MIPOL1: variants seen among roughly 807,000 people sequenced by gnomAD.
MIPOL1 encodes mirror-image polydactyly 1.
MIPOL1 carries 57 observed loss-of-function variants against 60.9 expected under a neutral mutation model. The observed-to-expected ratio is 0.94, with a 90% CI of 0.76 to 1.17. MIPOL1 has a LOEUF of 1.17. Among genes scored for constraint, MIPOL1 ranks in the 50% most tolerant of loss-of-function variants. The probability of loss-of-function intolerance (pLI) is 0.00; values close to 1 mark genes in which losing one functional copy is unlikely to be tolerated. For synonymous variants in MIPOL1, 179 were observed against 168.8 expected (o/e 1.06, Z -0.47); for missense variants, 551 against 511.6 (o/e 1.08, Z -0.74).
intron 12 of MIPOL1, among the ~76,000 whole-genome samples, chr14:37,532,539 A>G (rs2095485867): frequency 6.6e-6 from 1 of 152,148 alleles, no homozygotes; most frequent in Non-Finnish European, 1.5e-5. Flanking sequence ...AAAATCAGGA[A>G]TCAGGAAAAA....
chr14:37,224,759 C>T (rs1969412751), intron 1 of MIPOL1, among the ~76,000 whole-genome samples: 3 of 152,168 alleles, frequency 2.0e-5, no homozygotes, highest in South Asian at 2.1e-4. Context: ...CCAAGCATGC[C>T]TTCTCAACAG....
At chr14:37,264,160 G>A (rs996969762) in intron 3 of MIPOL1, among the ~76,000 whole-genome samples, 1 of 152,104 alleles carries the variant, frequency 6.6e-6, no homozygotes, top group East Asian at 1.9e-4. Context: ...GTTACTAACT[G>A]CTTTCATCTT....
intron 1 of MIPOL1, among the ~76,000 whole-genome samples, chr14:37,240,742 A>G (rs1416122408): frequency 1.3e-5 from 2 of 152,130 alleles, no homozygotes; most frequent in African/African-American, 4.8e-5. Context: ...TTGCAGTGCC[A>G]TATTCATTCT....
chr14:37,332,998 AT>A (rs1315976956), intron 9 of MIPOL1, among the ~76,000 whole-genome samples: 1 of 152,202 alleles, frequency 6.6e-6, no homozygotes, highest in Non-Finnish European at 1.5e-5. Context: ...TGCAATAGCA[AT>A]AGCAGGTGGT....
At chr14:37,331,893 G>A (rs113915583) in intron 9 of MIPOL1, among the ~76,000 whole-genome samples, 5 of 152,286 alleles carry the variant, frequency 3.3e-5, no homozygotes, top group African/African-American at 1.2e-4. Flanking sequence ...CTTCACGCCT[G>A]TAATCCCAGC....
chr14:37,478,713 T>A (rs567623509), intron 11 of MIPOL1, among the ~76,000 whole-genome samples: 1 of 152,166 alleles, frequency 6.6e-6, no homozygotes, highest in African/African-American at 2.4e-5. Context: ...AGTGAAAGGA[T>A]AGAAAAAGAT....
At chr14:37,427,749 AT>A (rs1282825190) in intron 11 of MIPOL1, among the ~76,000 whole-genome samples, 2 of 152,194 alleles carry the variant, frequency 1.3e-5, no homozygotes, top group Non-Finnish European at 2.9e-5. Flanking sequence ...GTCTACTTTA[AT>A]TTGATTTAAA....
intron 12 of MIPOL1, among the ~76,000 whole-genome samples, chr14:37,515,913 A>C (rs2153627821): frequency 6.6e-6 from 1 of 152,308 alleles, no homozygotes; most frequent in African/African-American, 2.4e-5. Context: ...AAGACCCAGT[A>C]GTCATTCTTG....
intron 3 of MIPOL1, among the ~76,000 whole-genome samples, chr14:37,256,717 A>C (rs1037827816): frequency 1.4e-5 from 2 of 139,454 alleles, no homozygotes; most frequent in Non-Finnish European, 3.3e-5. Flanking sequence ...TTAAAAAAGC[A>C]GTCTTTGATC....
chr14:37,258,838 T>C (rs1352422593), intron 3 of MIPOL1, among the ~76,000 whole-genome samples: 1 of 151,972 alleles, frequency 6.6e-6, no homozygotes, highest in Non-Finnish European at 1.5e-5. Flanking sequence ...TCAGACTTGG[T>C]GAAACAAACA....
intron 12 of MIPOL1, among the ~76,000 whole-genome samples, chr14:37,516,322 A>G (rs1016521880): frequency 6.6e-5 from 10 of 152,324 alleles, no homozygotes; most frequent in Middle Eastern, 3.4e-3. Context: ...CATCTTTAAC[A>G]TACAGATTGT....
At chr14:37,378,621 G>A (rs913185192) in intron 10 of MIPOL1, among the ~76,000 whole-genome samples, 15 of 151,070 alleles carry the variant, frequency 9.9e-5, no homozygotes, top group African/African-American at 2.9e-4. Context: ...CTTATATGCC[G>A]GGGAGGAGGG....
intron 9 of MIPOL1, among the ~76,000 whole-genome samples, chr14:37,321,642 C>T (rs537726199): frequency 6.6e-6 from 1 of 151,866 alleles, no homozygotes; most frequent in East Asian, 1.9e-4. Flanking sequence ...ATGTATTGTT[C>T]GTATGTTGTG....
chr14:37,228,735 T>TA (rs1308027209), intron 1 of MIPOL1, among the ~76,000 whole-genome samples: 1 of 152,338 alleles, frequency 6.6e-6, no homozygotes, highest in East Asian at 1.9e-4. Flanking sequence ...TTATCAAAAA[T>TA]ACTTTGCTTC....
In MIPOL1 at chr14:37,247,853, G is replaced by A. The variant is rs1439587816; in HGVS notation, c.-36G>A. 6.2e-7 allele frequency: 1 copy of A among 1,611,626 alleles called. No homozygotes were observed. Among genetic ancestry groups the A allele is most frequent in the Non-Finnish European group, 8.5e-7 (1 of 1,178,772 alleles). ...GCTGCAAATCTTGGAGCAAAAACCA[G>A]AGACATTGCCAGAGCAAACAAGAAC... On this transcript the variant is annotated 5_prime_UTR_variant, in exon 3 of 13. Coordinates refer to ENST00000684589, the MANE Select transcript of MIPOL1 (RefSeq NM_001388067.1).
At chr14:37,216,710 G>T (rs1967778847) in intron 1 of MIPOL1, among the ~76,000 whole-genome samples, 1 of 151,968 alleles carries the variant, frequency 6.6e-6, no homozygotes. Context: ...AAATGAAGAA[G>T]AAAATTGAAA....
chr14:37,517,812 G>C (rs1484156545), intron 12 of MIPOL1, among the ~76,000 whole-genome samples: 1 of 152,048 alleles, frequency 6.6e-6, no homozygotes, highest in Non-Finnish European at 1.5e-5. Context: ...AGAATAAAAG[G>C]AACAGGAAAG....
chr14:37,272,805 G>T (rs1404518669), intron 6 of MIPOL1, among the ~76,000 whole-genome samples: 1 of 151,448 alleles, frequency 6.6e-6, no homozygotes, highest in Admixed American at 6.6e-5. Flanking sequence ...GTATTATAAC[G>T]TAGTTAAGCA....
At chr14:37,360,393 G>A (rs2092154402) in intron 9 of MIPOL1, among the ~76,000 whole-genome samples, 1 of 152,226 alleles carries the variant, frequency 6.6e-6, no homozygotes, top group South Asian at 2.1e-4. Flanking sequence ...CAGAAGGAAT[G>A]GTACTATCTC....
Sources: gnomAD v4.1 joint callset for allele counts (sites outside exome capture counted in the v4.1 genomes callset) on GRCh38, gnomAD v4.1.1 for gene constraint, MANE v1.5 for transcripts, NCBI Gene and HGNC (gene_info 2026-07-23, HGNC 2026-07-21) for gene names.